The following UNC13C variants were observed in gnomAD, a reference collection of about 807,000 sequenced individuals.
UNC13C encodes the protein protein unc-13 homolog C.
A neutral mutation model predicts 245.4 loss-of-function variants in UNC13C; 174 were observed. The ratio of observed to expected loss-of-function variants is 0.71; its 90% CI spans 0.63 to 0.80. The LOEUF (loss-of-function observed/expected upper bound fraction) is 0.80. Ranked by LOEUF, UNC13C falls within the 30% of genes least tolerant of loss-of-function variation. The probability of loss-of-function intolerance (pLI) is 0.00; values close to 1 mark genes in which losing one functional copy is unlikely to be tolerated. For synonymous variants in UNC13C, 992 were observed against 895.1 expected, an observed-to-expected ratio of 1.11 and a Z score of -1.93; for missense variants, 2,829 against 2,602.9, an observed-to-expected ratio of 1.09 and a Z score of -1.89.
the UNC13C span, among the ~76,000 whole-genome samples, chr15:53,965,147 G>A: frequency 1.3e-5 from 2 of 152,086 alleles, no homozygotes; most frequent in East Asian, 1.9e-4. Context: ...GGCATAAGAC[G>A]ATGTGAACTA....
chr15:54,248,880 G>C (rs1249632780), intron 7 of UNC13C, among the ~76,000 whole-genome samples: 1 of 152,202 alleles, frequency 6.6e-6, no homozygotes, highest in African/African-American at 2.4e-5. Flanking sequence ...CACAGAGTGA[G>C]AGGAATGTAG....
chr15:53,840,679 T>A, the UNC13C span, among the ~76,000 whole-genome samples: 3 of 152,182 alleles, frequency 2.0e-5, no homozygotes, highest in African/African-American at 7.2e-5. Context: ...ATTAGCATCA[T>A]GTGTCCCATT....
chr15:54,112,624 GC>G (rs112176341), intron 2 of UNC13C, among the ~76,000 whole-genome samples: 1,987 of 152,298 alleles, frequency 0.013, 43 homozygotes, highest in African/African-American at 0.046. Flanking sequence ...ATTCACTCGT[GC>G]AAGCTTCCAG....
the UNC13C span, among the ~76,000 whole-genome samples, chr15:53,838,299 C>G: frequency 6.6e-6 from 1 of 152,038 alleles, no homozygotes; most frequent in African/African-American, 2.4e-5. Context: ...ATGCCACTCA[C>G]TCATTCATTC....
At chr15:53,917,722 TAAC>T in the UNC13C span, among the ~76,000 whole-genome samples, 1 of 152,196 alleles carries the variant, frequency 6.6e-6, no homozygotes, top group Admixed American at 6.5e-5. Flanking sequence ...CCCTAGAAAG[TAAC>T]AAACTGGATG....
chr15:54,499,257 T>C (rs143570422), intron 20 of UNC13C, among the ~76,000 whole-genome samples: 249 of 152,116 alleles, frequency 1.6e-3, no homozygotes, highest in African/African-American at 5.7e-3. Flanking sequence ...CCAGATCTCA[T>C]GAGAACTCAA....
At chr15:54,052,663 A>C (rs927460483) in intron 2 of UNC13C, among the ~76,000 whole-genome samples, 9 of 152,254 alleles carry the variant, frequency 5.9e-5, no homozygotes, top group Admixed American at 5.9e-4. Flanking sequence ...GTTAAAACCT[A>C]TCTTAAGTTT....
intron 10 of UNC13C, among the ~76,000 whole-genome samples, chr15:54,266,727 G>C (rs2036556894): frequency 6.6e-6 from 1 of 151,980 alleles, no homozygotes; most frequent in African/African-American, 2.4e-5. Context: ...TGTACCTCCT[G>C]TCACTACAGA....
intron 8 of UNC13C, among the ~76,000 whole-genome samples, chr15:54,261,795 G>A (rs2036434149): frequency 6.6e-6 from 1 of 152,040 alleles, no homozygotes; most frequent in Non-Finnish European, 1.5e-5. Context: ...TGCTGGCCTC[G>A]GCCTCCCAAA....
At chr15:54,120,532 A>G (rs932505861) in intron 2 of UNC13C, among the ~76,000 whole-genome samples, 2 of 152,144 alleles carry the variant, frequency 1.3e-5, no homozygotes, top group Non-Finnish European at 2.9e-5. Flanking sequence ...CAAACACAAC[A>G]TCTATTCTGC....
chr15:54,104,688 GT>G (rs35275247), intron 2 of UNC13C, among the ~76,000 whole-genome samples: 17,704 of 150,122 alleles, frequency 0.12, 1,466 homozygotes, highest in East Asian at 0.26. Flanking sequence ...TATATTTACA[GT>G]TTTTTTTTTA....
chr15:54,319,477 A>C (rs2038093818), intron 13 of UNC13C, among the ~76,000 whole-genome samples: 1 of 151,954 alleles, frequency 6.6e-6, no homozygotes. Flanking sequence ...GTCATTAATA[A>C]TCGAAATCCA....
downstream of UNC13C, chr15:54,628,967 C>T (rs1053134604): frequency 1.3e-5 from 2 of 151,306 alleles, no homozygotes; most frequent in African/African-American, 2.5e-5. Flanking sequence ...AAACATTCTA[C>T]CATAAACACA....
intron 4 of UNC13C, among the ~76,000 whole-genome samples, chr15:54,175,508 A>ATTTTTTTTTTTTTGTTT (rs2033577186): frequency 9.4e-6 from 1 of 106,044 alleles, no homozygotes; most frequent in African/African-American, 3.8e-5. Flanking sequence ...TGGCCCTAGA[A>ATTTTTTTTTTTTTGTTT]TTTTTTTTTT....
At chr15:54,594,380 A>G (rs1452492664) in intron 30 of UNC13C, among the ~76,000 whole-genome samples, 1 of 151,734 alleles carries the variant, frequency 6.6e-6, no homozygotes, top group African/African-American at 2.4e-5. Context: ...GCGATGCCTT[A>G]GAACTCCCAA....
intron 17 of UNC13C, among the ~76,000 whole-genome samples, chr15:54,355,964 T>C (rs2039086297): frequency 1.3e-5 from 2 of 152,296 alleles, no homozygotes; most frequent in South Asian, 2.1e-4. Flanking sequence ...TGAATCACCT[T>C]TTTTACACAA....
chr15:54,355,905 A>G (rs1352433017), intron 17 of UNC13C, among the ~76,000 whole-genome samples: 1 of 152,198 alleles, frequency 6.6e-6, no homozygotes, highest in Non-Finnish European at 1.5e-5. Context: ...TCATAGATGT[A>G]TATATAGATA....
intron 2 of UNC13C, among the ~76,000 whole-genome samples, chr15:54,130,627 A>G (rs1289158460): frequency 2.0e-5 from 3 of 152,124 alleles, no homozygotes; most frequent in Admixed American, 2.0e-4. Context: ...ATGTGAAAAG[A>G]ATAAATATAT....
At chr15:53,969,684 C>CAAAAA in the UNC13C span, among the ~76,000 whole-genome samples, 35 of 95,886 alleles carry the variant, frequency 3.7e-4, no homozygotes, top group Middle Eastern at 5.8e-3. Flanking sequence ...GGTGCTGTCT[C>CAAAAA]AAAAAAAAAA....
Sources: allele counts gnomAD v4.1 joint callset (sites outside exome capture counted in the v4.1 genomes callset), GRCh38; gene constraint gnomAD v4.1.1; transcripts MANE v1.5; gene names NCBI Gene and HGNC (gene_info 2026-07-23, HGNC 2026-07-21).